GPC5: variants seen among roughly 807,000 people sequenced by gnomAD.
GPC5 encodes the protein glypican-5.
Under a neutral mutation model 53.9 loss-of-function variants are expected in GPC5, and 47 were observed. The ratio of observed to expected loss-of-function variants is 0.87; its 90% CI spans 0.69 to 1.11. The LOEUF is 1.11. Among genes scored for constraint, GPC5 ranks in the 50% most tolerant of loss-of-function variants. The probability of loss-of-function intolerance (pLI) is 0.00; values close to 1 mark genes in which losing one functional copy is unlikely to be tolerated. For missense variants in GPC5, 748 were observed against 713.1 expected (o/e 1.05, Z -0.56); for synonymous variants, 286 against 263.3 (o/e 1.09, Z -0.84).
chr13:92,856,204 C>T (rs946558315), intron 7 of GPC5, among the ~76,000 whole-genome samples: 10 of 152,044 alleles, frequency 6.6e-5, no homozygotes, highest in African/African-American at 2.4e-4. Context: ...GGTCAATATA[C>T]ACAAATAAAT....
chr13:92,094,670 A>C (rs2041408078), intron 6 of GPC5, among the ~76,000 whole-genome samples: 1 of 151,998 alleles, frequency 6.6e-6, no homozygotes, highest in South Asian at 2.1e-4. Context: ...AACATTTCAA[A>C]GTCACCTTTC....
At chr13:91,459,369 A>G (rs1468010295) in intron 2 of GPC5, among the ~76,000 whole-genome samples, 1 of 152,096 alleles carries the variant, frequency 6.6e-6, no homozygotes, top group Non-Finnish European at 1.5e-5. Context: ...GCCTACAGAA[A>G]AGAGGCACCG....
In GPC5 at chr13:92,405,161, G is replaced by A. The variant is rs1373724237; in HGVS notation, c.1561+260172G>A. Among the ~76,000 whole-genome samples, 7 of 131,540 alleles carry A rather than the reference G, an allele frequency of 5.3e-5. 1 individual carries two copies. In the East Asian group the frequency reaches 1.4e-3, roughly 26 times the overall value. The allele number at this position is 131,540 out of a possible 152,430, so 86.3% of individuals were successfully genotyped here. A position where few individuals can be genotyped will look rare whatever the true frequency, so the allele number is the denominator to read the frequency against. ...TTACCTGCTAATTCCATCCAGTTCA[G>A]GGGCATGGGTGTCCCAGCAGCTGAG... On this transcript the variant is annotated intron_variant, in intron 7 of 7. Transcript: ENST00000377067.
chr13:91,459,137 A>G (rs1881759833), intron 2 of GPC5, among the ~76,000 whole-genome samples: 2 of 151,900 alleles, frequency 1.3e-5, no homozygotes. Context: ...GTGCACCAAA[A>G]TTTCAGAAGT....
intron 7 of GPC5, among the ~76,000 whole-genome samples, chr13:92,201,608 T>G (rs1433746471): frequency 6.6e-6 from 1 of 152,126 alleles, no homozygotes; most frequent in Non-Finnish European, 1.5e-5. Context: ...AACCCAAGTG[T>G]TTTAGAAGAC....
chr13:91,696,178 C>T (rs2035875573), intron 3 of GPC5, among the ~76,000 whole-genome samples: 1 of 152,172 alleles, frequency 6.6e-6, no homozygotes, highest in Non-Finnish European at 1.5e-5. Flanking sequence ...AAGCAGGTGA[C>T]TTTAGTATCT....
intron 1 of GPC5, among the ~76,000 whole-genome samples, chr13:91,406,906 C>T (rs938428735): frequency 3.3e-5 from 5 of 152,144 alleles, no homozygotes; most frequent in Non-Finnish European, 5.9e-5. Context: ...AAACTCACCA[C>T]GTATGGGTCA....
chr13:92,093,807 A>C (rs1323605657), intron 6 of GPC5, among the ~76,000 whole-genome samples: 2 of 152,232 alleles, frequency 1.3e-5, no homozygotes, highest in South Asian at 4.1e-4. Context: ...AAAATGAATC[A>C]CTGAGAGTAA....
chr13:92,499,921 A>G (rs1033497228), intron 7 of GPC5, among the ~76,000 whole-genome samples: 3 of 152,214 alleles, frequency 2.0e-5, no homozygotes, highest in Non-Finnish European at 2.9e-5. Context: ...GTTTGGGATA[A>G]AATGGAATAA....
intron 5 of GPC5, among the ~76,000 whole-genome samples, chr13:91,898,020 A>C (rs1182410459): frequency 1.3e-5 from 2 of 152,180 alleles, no homozygotes; most frequent in African/African-American, 2.4e-5. Context: ...ATTCAGAGAG[A>C]TATTAACCAT....
rs201556247 is a variant in GPC5, at chr13:92,527,174, G to A, written c.1562-339108G>A. Among the ~76,000 whole-genome samples, 153 of 52,344 alleles carry A rather than the reference G, an allele frequency of 2.9e-3. 3 individuals are homozygous for A. The highest frequency in any genetic ancestry group is 9.6e-3 in the Middle Eastern group (1 of 104). The allele number at this position is 52,344 out of a possible 152,430, so 34.3% of individuals were successfully genotyped here. A position where few individuals can be genotyped will look rare whatever the true frequency, so the allele number is the denominator to read the frequency against. On this transcript the variant is annotated intron_variant, in intron 7 of 7. Transcript: ENST00000377067. Reference sequence around the variant, plus strand: ...AAAGAAAGAAAGAAAGAAAGAAAGAGAAAGAAAGAAGAAAGAAAGAAAGAA... The same window carrying A: ...AAAGAAAGAAAGAAAGAAAGAAAGAAAAAGAAAGAAGAAAGAAAGAAAGAA...
chr13:92,703,252 A>AATT (rs1388711656), intron 7 of GPC5, among the ~76,000 whole-genome samples: 17 of 151,802 alleles, frequency 1.1e-4, no homozygotes, highest in African/African-American at 4.1e-4. Flanking sequence ...AGAATAAATT[A>AATT]ATTAAAAATA....
chr13:92,555,001 G>A (rs1882446112), intron 7 of GPC5, among the ~76,000 whole-genome samples: 1 of 150,422 alleles, frequency 6.6e-6, no homozygotes, highest in Non-Finnish European at 1.5e-5. Context: ...TGGGAAATAG[G>A]GAGTTACTGC....
chr13:91,438,509 C>T (rs1394171826), intron 1 of GPC5, among the ~76,000 whole-genome samples: 4 of 152,166 alleles, frequency 2.6e-5, no homozygotes, highest in African/African-American at 7.2e-5. Flanking sequence ...GCTGCCTGAT[C>T]GTTCCTCTGG....
At chr13:91,648,708 G>GCA (rs61319601) in intron 2 of GPC5, among the ~76,000 whole-genome samples, 9,832 of 151,836 alleles carry the variant, frequency 0.065, 1,068 homozygotes, top group African/African-American at 0.22. Context: ...ACACATGCAT[G>GCA]CACACACACA....
intron 7 of GPC5, among the ~76,000 whole-genome samples, chr13:92,372,495 A>G (rs2043659009): frequency 6.6e-6 from 1 of 152,184 alleles, no homozygotes; most frequent in African/African-American, 2.4e-5. Context: ...TCAATTAAAT[A>G]GAATTATTTT....
At chr13:91,652,874 A>G (rs2034750579) in intron 2 of GPC5, among the ~76,000 whole-genome samples, 1 of 152,144 alleles carries the variant, frequency 6.6e-6, no homozygotes, top group African/African-American at 2.4e-5. Context: ...CAGGCTTCCT[A>G]ATTAATCCAC....
chr13:92,831,589 T>G (rs1450397756), intron 7 of GPC5, among the ~76,000 whole-genome samples: 1 of 152,122 alleles, frequency 6.6e-6, no homozygotes, highest in African/African-American at 2.4e-5. Flanking sequence ...GACAAAGACT[T>G]TAATAGTCTT....
At chr13:91,495,298 C>T (rs776467040) in intron 2 of GPC5, among the ~76,000 whole-genome samples, 4 of 152,188 alleles carry the variant, frequency 2.6e-5, no homozygotes, top group Non-Finnish European at 5.9e-5. Context: ...GACAGTGTTG[C>T]CTGGCCTCCC....
Sources: gnomAD v4.1 joint callset for allele counts (sites outside exome capture counted in the v4.1 genomes callset) on GRCh38, gnomAD v4.1.1 for gene constraint, MANE v1.5 for transcripts, NCBI Gene and HGNC (gene_info 2026-07-23, HGNC 2026-07-21) for gene names.